Variants in PHF20 observed in about 807,000 individuals in gnomAD.
The protein encoded by PHF20 is glioma-expressed antigen 2.
In PHF20, 23 loss-of-function variants were observed where a neutral mutation model predicts 113.5. That is an observed-to-expected ratio of 0.20 (90% CI 0.15 to 0.29). PHF20 has a LOEUF of 0.29. Ranked by LOEUF, PHF20 falls within the 10% of genes least tolerant of loss-of-function variation. The pLI, the probability that PHF20 is intolerant of heterozygous loss-of-function variation, is 1.00. For missense variants in PHF20, 943 were observed against 1,219.6 expected, an observed-to-expected ratio of 0.77 and a Z score of 3.38; for synonymous variants, 434 against 457.3, an observed-to-expected ratio of 0.95 and a Z score of 0.65.
intron 2 of PHF20, among the ~76,000 whole-genome samples, chr20:35,839,746 A>G (rs2146933230): frequency 6.6e-6 from 1 of 152,352 alleles, no homozygotes; most frequent in South Asian, 2.1e-4. Context: ...TATGCATAGT[A>G]GCAATTAGGA....
chr20:35,826,532 G>C (rs2042265113), intron 2 of PHF20, among the ~76,000 whole-genome samples: 1 of 152,148 alleles, frequency 6.6e-6, no homozygotes, highest in Admixed American at 6.6e-5. Flanking sequence ...AGAATGAGAA[G>C]ATTTCCAGGA....
At position 35,858,407 on chromosome 20, in the gene PHF20, T is replaced by G. The variant is rs2042876974; in HGVS notation, c.420+26T>G. ...GTGAGAAATGTGGTTTTGTGCTTTG[T>G]GTTATGAATAATGCTAACATTGTAG... is the stretch of plus-strand genomic sequence containing the variant. On this transcript the variant is annotated intron_variant, in intron 5 of 17. Coordinates refer to ENST00000374012, the MANE Select transcript of PHF20 (RefSeq NM_016436.5). 2.4e-6 allele frequency: 3 copies of G among 1,269,364 alleles called. No individual in the cohort carries two copies. In the African/African-American group the frequency reaches 4.4e-5, roughly 19 times the overall value. The allele number at this position is 1,269,364 out of a possible 1,614,324, so 78.6% of individuals were successfully genotyped here.
intron 4 of PHF20, among the ~76,000 whole-genome samples, chr20:35,850,343 C>T (rs1284461071): frequency 9.5e-6 from 1 of 105,180 alleles, no homozygotes; most frequent in East Asian, 3.2e-4. Flanking sequence ...GAATCTTGCT[C>T]TGTTGTCCAG....
At chr20:35,773,103 A>G (rs2041097571) in intron 1 of PHF20, among the ~76,000 whole-genome samples, 1 of 151,574 alleles carries the variant, frequency 6.6e-6, no homozygotes, top group African/African-American at 2.4e-5. Flanking sequence ...CCTGAAGGAG[A>G]CTCATTTTCA....
At chr20:35,905,340 A>T (rs2147069235) in intron 10 of PHF20, among the ~76,000 whole-genome samples, 1 of 152,288 alleles carries the variant, frequency 6.6e-6, no homozygotes, top group South Asian at 2.1e-4. Context: ...CCTTGCTGTG[A>T]ATTGAATTGT....
chr20:35,804,578 G>A (rs1019997450), intron 2 of PHF20, among the ~76,000 whole-genome samples: 4 of 151,880 alleles, frequency 2.6e-5, no homozygotes, highest in African/African-American at 9.7e-5. Context: ...CGCCATTTTG[G>A]CCAGGCTGGT....
intron 1 of PHF20, among the ~76,000 whole-genome samples, chr20:35,789,601 C>G (rs1176491263): frequency 6.6e-6 from 1 of 151,992 alleles, no homozygotes; most frequent in Non-Finnish European, 1.5e-5. Context: ...GGCTGGAGTG[C>G]AGTGGCGGGA....
chr20:35,828,180 T>C (rs1250005084), intron 2 of PHF20, among the ~76,000 whole-genome samples: 2 of 152,056 alleles, frequency 1.3e-5, no homozygotes, highest in Non-Finnish European at 2.9e-5. Flanking sequence ...TGTGCCACCA[T>C]GCCCAGGCTA....
intron 13 of PHF20, among the ~76,000 whole-genome samples, chr20:35,921,691 C>T (rs2055516282): frequency 6.7e-6 from 1 of 149,952 alleles, no homozygotes; most frequent in South Asian, 2.1e-4. Context: ...CCCCACCCTC[C>T]CCCCCAAAAA....
chr20:35,795,195 A>T (rs2041642440), intron 1 of PHF20, among the ~76,000 whole-genome samples: 1 of 151,806 alleles, frequency 6.6e-6, no homozygotes, highest in Admixed American at 6.6e-5. Context: ...TGTCTTAAAA[A>T]AAAAAAAAAA....
chr20:35,788,572 G>T (rs6121046), intron 1 of PHF20, among the ~76,000 whole-genome samples: 2 of 151,042 alleles, frequency 1.3e-5, no homozygotes, highest in Non-Finnish European at 3.0e-5. Context: ...CCAGTGAGAA[G>T]GCTGAGGTTA....
intron 2 of PHF20, among the ~76,000 whole-genome samples, chr20:35,839,668 G>T (rs1029094333): frequency 6.6e-6 from 1 of 152,130 alleles, no homozygotes; most frequent in Non-Finnish European, 1.5e-5. Context: ...GCTGTCATTT[G>T]GATTGGAGTA....
chr20:35,947,371 C>T lies in PHF20; in HGVS notation c.2897-114C>T, dbSNP rs554374299. On this transcript the variant is annotated intron_variant, in intron 17 of 17. Transcript: ENST00000374012. ...CCTTGCCCCATGGAGGCTGAAATGG[C>T]CCTTCCTCCCTTGCCCCATGTCTGA... The T allele has an allele frequency of 1.5e-5, 16 of 1,081,716 alleles. No homozygotes were observed. In the African/African-American group the frequency reaches 1.9e-4, roughly 13 times the overall value. 67.0% of individuals were successfully genotyped at this position (1,081,716 alleles called of 1,614,324 possible). A position where few individuals can be genotyped will look rare whatever the true frequency, so the allele number is the denominator to read the frequency against.
At chr20:35,828,694 G>A (rs1416286340) in intron 2 of PHF20, among the ~76,000 whole-genome samples, 3 of 152,276 alleles carry the variant, frequency 2.0e-5, no homozygotes, top group Admixed American at 6.5e-5. Flanking sequence ...CAGTGGCAGT[G>A]CTTTACTGTC....
chr20:35,891,448 G>A (rs1389814743), intron 9 of PHF20, among the ~76,000 whole-genome samples: 1 of 151,696 alleles, frequency 6.6e-6, no homozygotes, highest in East Asian at 1.9e-4. Context: ...AAAACCAACT[G>A]TTATACAAAT....
At chr20:35,925,774 CTCAT>C (rs1227789499) in intron 13 of PHF20, among the ~76,000 whole-genome samples, 1 of 148,834 alleles carries the variant, frequency 6.7e-6, no homozygotes. Flanking sequence ...GTTTATTATT[CTCAT>C]TCATTTCTTA....
intron 4 of PHF20, among the ~76,000 whole-genome samples, chr20:35,848,609 A>T (rs1017577874): frequency 6.6e-6 from 1 of 152,068 alleles, no homozygotes; most frequent in Non-Finnish European, 1.5e-5. Flanking sequence ...CTGTAATCCC[A>T]GCAGTTTGGG....
intron 9 of PHF20, among the ~76,000 whole-genome samples, chr20:35,875,404 G>GA (rs112530486): frequency 0.2 from 29,066 of 144,074 alleles, 3,181 homozygotes; most frequent in South Asian, 0.36. Flanking sequence ...TCTCAAAAAA[G>GA]AAAAAAAAAA....
intron 1 of PHF20, among the ~76,000 whole-genome samples, chr20:35,774,151 C>A (rs2041124910): frequency 6.6e-6 from 1 of 151,374 alleles, no homozygotes; most frequent in Non-Finnish European, 1.5e-5. Context: ...GGCGCGATCT[C>A]GGCTCAGTGC....
Sources: allele counts gnomAD v4.1 joint callset (sites outside exome capture counted in the v4.1 genomes callset), GRCh38; gene constraint gnomAD v4.1.1; transcripts MANE v1.5; gene names NCBI Gene and HGNC (gene_info 2026-07-23, HGNC 2026-07-21).